EML5: variants seen among roughly 807,000 people sequenced by gnomAD.
EML5 encodes echinoderm microtubule-associated protein-like 5.
In EML5, 120 loss-of-function variants were observed where a neutral mutation model predicts 250.0. That is an observed-to-expected ratio of 0.48 (90% confidence interval 0.41 to 0.56). EML5 has a LOEUF of 0.56. Among genes scored for constraint, EML5 ranks in the 20% least tolerant of loss-of-function variants. EML5 has a pLI of 0.00. For missense variants in EML5, 2,006 were observed against 2,437.6 expected, an observed-to-expected ratio of 0.82 and a Z score of 3.73; for synonymous variants, 771 against 806.5, an observed-to-expected ratio of 0.96 and a Z score of 0.75.
At chr14:88,669,641 A>G (rs2068120069) in intron 21 of EML5, among the ~76,000 whole-genome samples, 1 of 152,210 alleles carries the variant, frequency 6.6e-6, no homozygotes, top group Admixed American at 6.5e-5. Context: ...TCCATGGATC[A>G]GCAGACTTAG....
chr14:88,766,018 C>T (rs1478207583), intron 1 of EML5, among the ~76,000 whole-genome samples: 1 of 152,182 alleles, frequency 6.6e-6, no homozygotes, highest in East Asian at 1.9e-4. Context: ...AATCTCTGAA[C>T]ATAAATTGTG....
At chr14:88,653,304 T>C (rs986374519) in intron 27 of EML5, among the ~76,000 whole-genome samples, 5 of 152,218 alleles carry the variant, frequency 3.3e-5, no homozygotes, top group African/African-American at 7.2e-5. Flanking sequence ...TCTTGCCTAA[T>C]TGCCCTGGCC....
chr14:88,649,949 A>G, intron 27 of EML5, 23 bp from the exon 28 acceptor site: 2 of 1,463,634 alleles, frequency 1.4e-6, no homozygotes, highest in Non-Finnish European at 1.8e-6. Flanking sequence ...CAAGGGGGAA[A>G]AAAGTAGGAA....
At chr14:88,635,011 G>A (rs543472313) in intron 32 of EML5, among the ~76,000 whole-genome samples, 3 of 152,096 alleles carry the variant, frequency 2.0e-5, no homozygotes, top group African/African-American at 7.2e-5. Context: ...ACTCAAGAAA[G>A]GAAAAAAGTT....
At chr14:88,695,729 A>G (rs2093063134) in intron 15 of EML5, among the ~76,000 whole-genome samples, 1 of 152,124 alleles carries the variant, frequency 6.6e-6, no homozygotes, top group African/African-American at 2.4e-5. Flanking sequence ...GATAAGAAAA[A>G]TGGAAAAAAG....
At chr14:88,621,744 G>A (rs573216794) in intron 37 of EML5, 16 of 336,582 alleles carry the variant, frequency 4.8e-5, no homozygotes, top group South Asian at 2.5e-4. Context: ...GTACAAACAC[G>A]CTCAAAAATT....
intron 37 of EML5, 171 bp downstream of exon 37, chr14:88,622,433 A>G: frequency 2.1e-6 from 1 of 477,932 alleles, no homozygotes; most frequent in East Asian, 3.3e-5. Flanking sequence ...TATGCACCAC[A>G]CTGGTGCTAA....
chr14:88,739,100 T>C, intron 5 of EML5, 86 bp from the exon 6 acceptor site: 1 of 1,285,182 alleles, frequency 7.8e-7, no homozygotes, highest in Middle Eastern at 2.1e-4. Context: ...TAAACCAATT[T>C]AACAATATTT....
chr14:88,785,786 C>T (rs1388011747), intron 1 of EML5, among the ~76,000 whole-genome samples: 1 of 152,198 alleles, frequency 6.6e-6, no homozygotes, highest in Admixed American at 6.5e-5. Context: ...CTGCAACAGT[C>T]TCCTAAGTGG....
chr14:88,637,296 A>C (rs537263418), intron 32 of EML5, among the ~76,000 whole-genome samples: 21 of 152,274 alleles, frequency 1.4e-4, no homozygotes, highest in African/African-American at 4.8e-4. Context: ...TACTCCCCAG[A>C]TTTTGACTTG....
intron 17 of EML5, among the ~76,000 whole-genome samples, chr14:88,693,168 A>T (rs1021017700): frequency 7.2e-5 from 11 of 152,166 alleles, no homozygotes; most frequent in Non-Finnish European, 1.6e-4. Context: ...CAGAAGAAAA[A>T]GTCTGGACAT....
At position 88,620,330 on chromosome 14, in the gene EML5, A is replaced by G. The variant is rs1246314535; in HGVS notation, c.5375+424T>C. ...AATTTGGATTCTGGAACATTTAATC[A>G]ATAGGTATTGATTAAATTAATGAAC... On this transcript the variant is annotated intron_variant, in intron 39 of 43. Coordinates refer to ENST00000554922, the MANE Select transcript of EML5 (RefSeq NM_183387.3). The surrounding 1 kb of genome is among the most constrained non-coding windows in gnomAD (Gnocchi z 4.3). 1 of 154,314 alleles carries G rather than the reference A, an allele frequency of 6.5e-6. No individual in the cohort carries two copies. The highest frequency in any genetic ancestry group is 2.4e-5 in the African/African-American group (1 of 41,558). 9.6% of individuals were successfully genotyped at this position (154,314 alleles called of 1,614,324 possible). A position where few individuals can be genotyped will look rare whatever the true frequency, so the allele number is the denominator to read the frequency against.
chr14:88,758,344 C>T (rs1160010076), intron 1 of EML5, among the ~76,000 whole-genome samples: 2 of 151,982 alleles, frequency 1.3e-5, no homozygotes, highest in Non-Finnish European at 2.9e-5. Flanking sequence ...AGGCATGCAC[C>T]ACCACGCCCA....
intron 1 of EML5, among the ~76,000 whole-genome samples, chr14:88,783,221 C>A (rs1485195894): frequency 6.6e-6 from 1 of 152,152 alleles, no homozygotes; most frequent in Non-Finnish European, 1.5e-5. Flanking sequence ...GGAGCCCCCA[C>A]ACACAAATGT....
At chr14:88,682,885 T>C (rs1164753946) in intron 20 of EML5, among the ~76,000 whole-genome samples, 1 of 152,216 alleles carries the variant, frequency 6.6e-6, no homozygotes, top group Non-Finnish European at 1.5e-5. Context: ...GCCTAAAGCC[T>C]GAGATACTCA....
Position 88,616,101 on chromosome 14 carries a change from GT to G in EML5, c.5897+40del, listed in dbSNP as rs1567008892. On this transcript the variant is annotated intron_variant, in intron 43 of 43. Coordinates refer to ENST00000554922, the MANE Select transcript of EML5 (RefSeq NM_183387.3). ...GTTGTTGTATTAAGTCTCTTAACTAGTAACATAGTCTGCTCTTCATGGGCTG... is the reference window on the plus strand; with the variant it reads ...GTTGTTGTATTAAGTCTCTTAACTAGAACATAGTCTGCTCTTCATGGGCTG... 4 of 1,593,238 alleles carry G rather than the reference GT, an allele frequency of 2.5e-6. No individual in the cohort carries two copies. The South Asian group carries it at 4.4e-5, about 18-fold the overall frequency.
intron 13 of EML5, among the ~76,000 whole-genome samples, chr14:88,703,908 A>G (rs1348288718): frequency 6.6e-6 from 1 of 152,208 alleles, no homozygotes. Flanking sequence ...TTCCATACAT[A>G]TGAAACTTTC....
intron 7 of EML5, among the ~76,000 whole-genome samples, chr14:88,729,568 TTTTG>T (rs2093720922): frequency 6.6e-6 from 1 of 151,608 alleles, no homozygotes; most frequent in African/African-American, 2.4e-5. Flanking sequence ...GTTTTTTGTT[TTTTG>T]TTTTTTTGAG....
chr14:88,624,814 A>T (rs2089670346), intron 36 of EML5, 156 bp downstream of exon 36: 1 of 830,662 alleles, frequency 1.2e-6, no homozygotes, highest in Non-Finnish European at 1.8e-6. Context: ...ATGAGAATCA[A>T]ATAGAAGGCA....
Sources: gnomAD v4.1 joint callset for allele counts (sites outside exome capture counted in the v4.1 genomes callset) on GRCh38, gnomAD v4.1.1 for gene constraint, Gnocchi (gnomAD v3.1) non-coding constraint, MANE v1.5 for transcripts, NCBI Gene and HGNC (gene_info 2026-07-23, HGNC 2026-07-21) for gene names.